NBEA: variants seen among roughly 807,000 people sequenced by gnomAD.
NBEA encodes the protein lysosomal-trafficking regulator 2.
Under a neutral mutation model 343.4 loss-of-function variants are expected in NBEA, and 44 were observed. The ratio of observed to expected loss-of-function variants is 0.13; its 90% confidence interval spans 0.10 to 0.16. NBEA has a LOEUF of 0.16. Among genes scored for constraint, NBEA ranks in the 10% least tolerant of loss-of-function variants. The pLI is 1.00. For missense variants in NBEA, 2,555 were observed against 3,631.3 expected (o/e 0.70, Z 7.62); for synonymous variants, 1,175 against 1,238.7 (o/e 0.95, Z 1.08).
intron 49 of NBEA, among the ~76,000 whole-genome samples, chr13:35,631,102 GGTAA>G (rs2083432859): frequency 3.3e-5 from 5 of 152,268 alleles, no homozygotes; most frequent in African/African-American, 9.6e-5. Flanking sequence ...CTGTGAGCTG[GGTAA>G]GTGAGGCCGA....
chr13:35,562,270 T>A (rs887214453), intron 44 of NBEA, among the ~76,000 whole-genome samples: 2 of 152,056 alleles, frequency 1.3e-5, no homozygotes, highest in African/African-American at 4.8e-5. Context: ...ATACTTAGAG[T>A]TCTACTAAAA....
chr13:34,959,103 T>C (rs2152489838), intron 1 of NBEA, among the ~76,000 whole-genome samples: 1 of 152,286 alleles, frequency 6.6e-6, no homozygotes, highest in African/African-American at 2.4e-5. Context: ...CAAATAGTAT[T>C]ATATGTAATA....
At chr13:35,321,742 T>G (rs1351352680) in intron 36 of NBEA, among the ~76,000 whole-genome samples, 1 of 151,922 alleles carries the variant, frequency 6.6e-6, no homozygotes, top group Non-Finnish European at 1.5e-5. Context: ...ATGGGAGTTT[T>G]ATCTATAAGC....
chr13:35,045,070 G>A (rs750012254), intron 3 of NBEA, 23 bp downstream of exon 3: 1 of 1,572,618 alleles, frequency 6.4e-7, no homozygotes, highest in South Asian at 1.1e-5. Context: ...CGGAGGGAAA[G>A]GTATTCAGTA....
chr13:35,047,073 C>G (rs995270043), intron 4 of NBEA, among the ~76,000 whole-genome samples: 2 of 151,830 alleles, frequency 1.3e-5, no homozygotes, highest in African/African-American at 4.8e-5. Flanking sequence ...TTTAAAAAGT[C>G]AATAAAAGTT....
chr13:35,305,186 C>G (rs1034931188), intron 35 of NBEA, among the ~76,000 whole-genome samples: 1 of 152,102 alleles, frequency 6.6e-6, no homozygotes, highest in Non-Finnish European at 1.5e-5. Context: ...TATTTGTTGG[C>G]TAAGTTTTCT....
At chr13:35,661,209 G>T (rs991478745) in intron 55 of NBEA, among the ~76,000 whole-genome samples, 31 of 152,296 alleles carry the variant, frequency 2.0e-4, no homozygotes, top group African/African-American at 7.5e-4. Context: ...CAACCAGGGG[G>T]TGTCTGGGCT....
At chr13:35,444,992 A>T (rs2045919939) in intron 39 of NBEA, among the ~76,000 whole-genome samples, 1 of 152,164 alleles carries the variant, frequency 6.6e-6, no homozygotes, top group Admixed American at 6.5e-5. Flanking sequence ...GGGAGCATCC[A>T]ATCTAGTGGA....
chr13:34,942,799 C>G lies in NBEA; in HGVS notation c.-22C>G. 1 of 1,338,984 alleles carries G rather than the reference C, an allele frequency of 7.5e-7. No homozygotes were observed. The allele number at this position is 1,338,984 out of a possible 1,614,324, so 82.9% of individuals were successfully genotyped here. On this transcript the variant is annotated 5_prime_UTR_variant, in exon 1 of 59. Coordinates refer to ENST00000379939, the MANE Select transcript of NBEA (RefSeq NM_001385012.1). ...GCGGCGGCAGCGCCGCTGCTCTTCCCTTCTCCTCAGGAGGGGGGCCAATGG... is the reference window on the plus strand; with the variant it reads ...GCGGCGGCAGCGCCGCTGCTCTTCCGTTCTCCTCAGGAGGGGGGCCAATGG...
intron 41 of NBEA, among the ~76,000 whole-genome samples, chr13:35,540,394 A>G (rs370731594): frequency 6.6e-6 from 1 of 152,290 alleles, no homozygotes; most frequent in East Asian, 1.9e-4. Context: ...AGTAGTATAG[A>G]GTTCTGGTCT....
intron 45 of NBEA, among the ~76,000 whole-genome samples, chr13:35,567,975 T>G (rs1462150264): frequency 1.3e-5 from 2 of 152,216 alleles, no homozygotes; most frequent in Admixed American, 1.3e-4. Context: ...ATTGCACTAG[T>G]TACTAGCTCT....
chr13:35,148,816 C>G (rs1220080677), intron 18 of NBEA, among the ~76,000 whole-genome samples: 1 of 152,120 alleles, frequency 6.6e-6, no homozygotes, highest in Non-Finnish European at 1.5e-5. Flanking sequence ...TCTGTCACAA[C>G]TACTCAAATC....
At chr13:35,146,266 G>A (rs985177175) in intron 18 of NBEA, among the ~76,000 whole-genome samples, 1 of 152,162 alleles carries the variant, frequency 6.6e-6, no homozygotes, top group Non-Finnish European at 1.5e-5. Context: ...CTGCAGCTCA[G>A]GGGTAAGGTA....
At chr13:35,043,211 A>G (rs1234237352) in intron 2 of NBEA, among the ~76,000 whole-genome samples, 1 of 151,764 alleles carries the variant, frequency 6.6e-6, no homozygotes, top group Non-Finnish European at 1.5e-5. Context: ...ATAGAATTAA[A>G]CTGAGCTGCT....
intron 1 of NBEA, among the ~76,000 whole-genome samples, chr13:35,000,648 T>C (rs2061100748): frequency 6.6e-6 from 1 of 151,298 alleles, no homozygotes; most frequent in South Asian, 2.1e-4. Context: ...GGGATACTGA[T>C]CGAGCAAGCA....
At chr13:35,127,596 GAAATATTAC>G (rs1250764388) in intron 17 of NBEA, among the ~76,000 whole-genome samples, 3 of 152,130 alleles carry the variant, frequency 2.0e-5, no homozygotes, top group Non-Finnish European at 2.9e-5. Flanking sequence ...GTGGACAGAT[GAAATATTAC>G]AAATATAGGC....
At chr13:35,534,787 T>C (rs531806569) in intron 41 of NBEA, among the ~76,000 whole-genome samples, 1 of 152,348 alleles carries the variant, frequency 6.6e-6, no homozygotes, top group East Asian at 1.9e-4. Context: ...TCCCATCACC[T>C]AGCACAATAT....
At chr13:35,227,767 A>G (rs973226389) in intron 33 of NBEA, among the ~76,000 whole-genome samples, 1 of 152,066 alleles carries the variant, frequency 6.6e-6, no homozygotes, top group African/African-American at 2.4e-5. Context: ...AAATAAGTAA[A>G]AATGACTTTA....
chr13:35,149,294 A>G (rs1190070512), intron 18 of NBEA, among the ~76,000 whole-genome samples: 1 of 152,228 alleles, frequency 6.6e-6, no homozygotes, highest in Non-Finnish European at 1.5e-5. Flanking sequence ...TTCCCTCATC[A>G]TAGTAACTGT....
Sources: allele counts gnomAD v4.1 joint callset (sites outside exome capture counted in the v4.1 genomes callset), GRCh38; gene constraint gnomAD v4.1.1; transcripts MANE v1.5; gene names NCBI Gene and HGNC (gene_info 2026-07-23, HGNC 2026-07-21).